The following DENND1B variants were observed in gnomAD, a reference collection of about 807,000 sequenced individuals.
The protein encoded by DENND1B is DENN domain containing 1B, also known as DENN domain-containing protein 1B.
A neutral mutation model predicts 90.1 loss-of-function variants in DENND1B; 59 were observed. The ratio of observed to expected loss-of-function variants is 0.65; its 90% CI spans 0.53 to 0.81. The LOEUF is 0.81. Ranked by LOEUF, DENND1B falls within the 40% of genes least tolerant of loss-of-function variation. The pLI is 0.00. For missense variants in DENND1B, 862 were observed against 912.6 expected (o/e 0.94, Z 0.71); for synonymous variants, 337 against 324.6 (o/e 1.04, Z -0.41).
rs944337504 is a variant in DENND1B at position 197,753,478 on chromosome 1, G to A, written c.82+19390C>T. Among the ~76,000 whole-genome samples the A allele has an allele frequency of 2.6e-5, 4 of 152,016 alleles. No homozygotes were observed. In the East Asian group the frequency reaches 5.8e-4, roughly 22 times the overall value. On this transcript the variant is annotated intron_variant, in intron 2 of 22. Coordinates refer to ENST00000620048, the MANE Select transcript of DENND1B (RefSeq NM_001195215.2). Reference sequence around the variant, plus strand: ...TGTTTGATACTATAATGGGGGATACGTGTCATTATACTTTTGTCAAACCCA... The same window carrying A: ...TGTTTGATACTATAATGGGGGATACATGTCATTATACTTTTGTCAAACCCA...
chr1:197,627,601 C>A (rs1678888973), intron 10 of DENND1B, among the ~76,000 whole-genome samples: 1 of 151,962 alleles, frequency 6.6e-6, no homozygotes, highest in Non-Finnish European at 1.5e-5. Flanking sequence ...TGGAAGCATT[C>A]CCTTTGAAAA....
intron 10 of DENND1B, among the ~76,000 whole-genome samples, chr1:197,632,096 C>T (rs1485473390): frequency 6.6e-6 from 1 of 152,052 alleles, no homozygotes; most frequent in East Asian, 1.9e-4. Context: ...TCATCTCTTG[C>T]TTTTATTACT....
At chr1:197,758,842 C>G (rs1385120094) in intron 2 of DENND1B, among the ~76,000 whole-genome samples, 1 of 151,708 alleles carries the variant, frequency 6.6e-6, no homozygotes, top group African/African-American at 2.4e-5. Context: ...AATGTGTCTG[C>G]TACATCTTAT....
At chr1:197,613,816 TTTA>T (rs1677397229) in intron 11 of DENND1B, among the ~76,000 whole-genome samples, 2 of 150,996 alleles carry the variant, frequency 1.3e-5, no homozygotes. Flanking sequence ...CTCAGGTTAG[TTTA>T]TTCTATTCAC....
intron 2 of DENND1B, among the ~76,000 whole-genome samples, chr1:197,736,897 C>G (rs1234452479): frequency 6.6e-6 from 1 of 152,176 alleles, no homozygotes; most frequent in Admixed American, 6.5e-5. Context: ...AGTACACACC[C>G]AAGCATCTAT....
chr1:197,552,606 G>A, intron 16 of DENND1B: 6 of 990,644 alleles, frequency 6.1e-6, no homozygotes, highest in Non-Finnish European at 7.2e-6. Flanking sequence ...AAAGAATTTT[G>A]GTGTTCAGAC....
At chr1:197,617,957 A>C (rs1677811741) in intron 10 of DENND1B, among the ~76,000 whole-genome samples, 198 bp from the exon 11 acceptor site, 1 of 151,194 alleles carries the variant, frequency 6.6e-6, no homozygotes, top group African/African-American at 2.4e-5. Context: ...ACAGCAAAAG[A>C]AGCTTCTTGG....
At chr1:197,670,510 G>A (rs1655398664) in intron 5 of DENND1B, among the ~76,000 whole-genome samples, 2 of 148,036 alleles carry the variant, frequency 1.4e-5, no homozygotes, top group Admixed American at 1.4e-4. Context: ...AAGAGTAGGG[G>A]AGAGGGGGAG....
intron 2 of DENND1B, among the ~76,000 whole-genome samples, chr1:197,728,378 G>C (rs1454835508): frequency 2.6e-5 from 4 of 152,124 alleles, no homozygotes; most frequent in African/African-American, 9.7e-5. Flanking sequence ...CTAAAACTAA[G>C]TGTTTTTGTA....
intron 15 of DENND1B, among the ~76,000 whole-genome samples, chr1:197,554,100 T>TAC (rs4026509): frequency 0.016 from 2,239 of 140,040 alleles, 25 homozygotes; most frequent in African/African-American, 0.035. Context: ...TCAATGATTA[T>TAC]ACACACACAC....
rs926177875 is a variant in DENND1B, at chr1:197,509,506, C to T, written c.*954G>A. 45 of 151,702 alleles carry T rather than the reference C, an allele frequency of 3.0e-4. No homozygotes were observed. Among genetic ancestry groups the T allele is most frequent in the African/African-American group, 1.1e-3 (45 of 41,348 alleles). The allele number at this position is 151,702 out of a possible 1,614,324, so 9.4% of individuals were successfully genotyped here. A position where few individuals can be genotyped will look rare whatever the true frequency, so the allele number is the denominator to read the frequency against. On this transcript the variant is annotated 3_prime_UTR_variant, in exon 23 of 23. Transcript: ENST00000620048. ...CAGGGGTAGATGGGAACTCTCTGTA[C>T]TATCTTTGCAATTTTTCTGTAAATC...
chr1:197,586,248 C>T (rs908342708), intron 14 of DENND1B, among the ~76,000 whole-genome samples: 9 of 151,914 alleles, frequency 5.9e-5, no homozygotes, highest in African/African-American at 2.2e-4. Context: ...TCTATTAAGC[C>T]AGATATTAAA....
Position 197,505,181 on chromosome 1 carries a change from AAC to A in DENND1B, c.*5277_*5278del, listed in dbSNP as rs1667673806. On this transcript the variant is annotated 3_prime_UTR_variant, in exon 23 of 23. Transcript: ENST00000620048. ...GGCACTGCTGTAAGTACTAAACTACAACAGACTCAAGAAATCCACTTTTTCAA... is the reference window on the plus strand; with the variant it reads ...GGCACTGCTGTAAGTACTAAACTACAAGACTCAAGAAATCCACTTTTTCAA... 1 of 151,808 alleles carries A rather than the reference AAC, an allele frequency of 6.6e-6. No individual in the cohort carries two copies. Among genetic ancestry groups the A allele is most frequent in the Non-Finnish European group, 1.5e-5 (1 of 67,840 alleles). The allele number at this position is 151,808 out of a possible 1,614,324, so 9.4% of individuals were successfully genotyped here. A position where few individuals can be genotyped will look rare whatever the true frequency, so the allele number is the denominator to read the frequency against.
chr1:197,564,609 A>C (rs1672469287), intron 15 of DENND1B, among the ~76,000 whole-genome samples: 1 of 151,900 alleles, frequency 6.6e-6, no homozygotes, highest in African/African-American at 2.4e-5. Context: ...TGCAATATTC[A>C]CTTTATTGTA....
intron 10 of DENND1B, among the ~76,000 whole-genome samples, chr1:197,630,722 ATTCT>A (rs1479278784): frequency 6.6e-6 from 1 of 152,018 alleles, no homozygotes; most frequent in Non-Finnish European, 1.5e-5. Flanking sequence ...TCAAGTATTC[ATTCT>A]TTCTTTCATT....
intron 14 of DENND1B, among the ~76,000 whole-genome samples, chr1:197,591,394 A>T (rs911951081): frequency 1.3e-5 from 2 of 152,206 alleles, no homozygotes; most frequent in Admixed American, 1.3e-4. Context: ...TAATAAACAG[A>T]AGAAGTATAT....
intron 10 of DENND1B, among the ~76,000 whole-genome samples, chr1:197,627,890 C>T (rs189653239): frequency 5.9e-5 from 9 of 152,068 alleles, no homozygotes; most frequent in Non-Finnish European, 1.2e-4. Flanking sequence ...CAATAACAGA[C>T]AGACAGCGAA....
chr1:197,645,985 T>G (rs906761447), intron 8 of DENND1B, among the ~76,000 whole-genome samples: 1 of 151,736 alleles, frequency 6.6e-6, no homozygotes, highest in Non-Finnish European at 1.5e-5. Context: ...AAATTAAAAT[T>G]AAAATAGGGA....
chr1:197,542,277 C>A (rs1196722509), intron 18 of DENND1B, among the ~76,000 whole-genome samples: 1 of 151,926 alleles, frequency 6.6e-6, no homozygotes, highest in Non-Finnish European at 1.5e-5. Context: ...TTCTTTATGG[C>A]CCCTATCAGC....
Sources: allele counts gnomAD v4.1 joint callset (sites outside exome capture counted in the v4.1 genomes callset), GRCh38; gene constraint gnomAD v4.1.1; transcripts MANE v1.5; gene names NCBI Gene and HGNC (gene_info 2026-07-23, HGNC 2026-07-21).